Variants in PTPRD observed in about 807,000 individuals in gnomAD.
PTPRD encodes protein tyrosine phosphatase receptor type D, also known as receptor-type tyrosine-protein phosphatase delta.
Under a neutral mutation model 214.5 loss-of-function variants are expected in PTPRD, and 34 were observed. The observed-to-expected ratio is 0.16, with a 90% CI of 0.12 to 0.21. The LOEUF is 0.21. Ranked by LOEUF, PTPRD falls within the 10% of genes least tolerant of loss-of-function variation. The pLI, the probability that PTPRD is intolerant of heterozygous loss-of-function variation, is 1.00. For synonymous variants in PTPRD, 1,128 were observed against 845.7 expected (o/e 1.33, Z -5.79); for missense variants, 2,545 against 2,398.7 (o/e 1.06, Z -1.27).
intron 10 of PTPRD, among the ~76,000 whole-genome samples, chr9:9,158,445 C>CA: frequency 6.6e-6 from 1 of 151,950 alleles, no homozygotes; most frequent in African/African-American, 2.4e-5. Context: ...ACTAAAAATA[C>CA]AAAAATTAGC....
At chr9:10,148,559 T>G (rs1324061819) in intron 3 of PTPRD, among the ~76,000 whole-genome samples, 1 of 152,232 alleles carries the variant, frequency 6.6e-6, no homozygotes, top group South Asian at 2.1e-4. Context: ...TATGGAATAC[T>G]GATTCAAGGA....
intron 9 of PTPRD, among the ~76,000 whole-genome samples, chr9:9,211,000 T>C (rs1246281553): frequency 1.3e-5 from 2 of 152,144 alleles, no homozygotes; most frequent in Non-Finnish European, 2.9e-5. Context: ...AGAATAAAGA[T>C]AAACATAGTT....
In PTPRD at chr9:9,180,348, C is replaced by CA. The variant is rs1311039108; in HGVS notation, c.-143+2955dup. On this transcript the variant is annotated intron_variant, in intron 10 of 45. Transcript: ENST00000381196. ...CATTCTCAGCAAACTATCGCAAGGA[C>CA]AAAAAACCAAATACCGCATATTCTC... 1.3e-4 allele frequency among the ~76,000 whole-genome samples: 20 copies of CA among 149,220 alleles called. No individual in the cohort carries two copies. The East Asian group carries it at 2.4e-3, about 18-fold the overall frequency.
chr9:8,717,134 C>A lies in PTPRD; in HGVS notation c.64+16646G>T, dbSNP rs889659239. ...CCATCCTGGGTGACAGAGTGTGTCA[C>A]TGTCTCAAAAAAGAATTAAAGAAAG... is the stretch of plus-strand genomic sequence containing the variant. On this transcript the variant is annotated intron_variant, in intron 12 of 45. Coordinates refer to ENST00000381196, the MANE Select transcript of PTPRD (RefSeq NM_002839.4). Among the ~76,000 whole-genome samples, 18 of 152,086 alleles carry A rather than the reference C, an allele frequency of 1.2e-4. 1 individual carries two copies. Among genetic ancestry groups the A allele is most frequent in the Non-Finnish European group, 7.4e-5 (5 of 68,020 alleles).
At chr9:8,700,473 C>G (rs1028019771) in intron 12 of PTPRD, 3 of 152,200 alleles carry the variant, frequency 2.0e-5, no homozygotes, top group African/African-American at 7.2e-5. Context: ...CCACAGCACA[C>G]TGGAGGTCAG....
At chr9:8,831,596 C>G (rs1372986238) in intron 11 of PTPRD, among the ~76,000 whole-genome samples, 6 of 152,160 alleles carry the variant, frequency 3.9e-5, no homozygotes, top group Admixed American at 3.9e-4. Flanking sequence ...GCTTGTTAAA[C>G]TTTCCTACAA....
At chr9:9,779,418 C>A (rs574924169) in intron 5 of PTPRD, among the ~76,000 whole-genome samples, 2 of 152,198 alleles carry the variant, frequency 1.3e-5, no homozygotes, top group East Asian at 3.9e-4. Flanking sequence ...AAACAGACAA[C>A]ATGCAGAATG....
intron 4 of PTPRD, among the ~76,000 whole-genome samples, chr9:10,005,143 G>C (rs1449614386): frequency 1.3e-5 from 2 of 151,854 alleles, no homozygotes; most frequent in Admixed American, 1.3e-4. Context: ...AAAGGTCATT[G>C]TATAACCTTT....
chr9:10,397,614 T>C (rs1404335526), intron 2 of PTPRD, among the ~76,000 whole-genome samples: 1 of 152,038 alleles, frequency 6.6e-6, no homozygotes, highest in African/African-American at 2.4e-5. Flanking sequence ...TATAATACTA[T>C]ATTTTTACTG....
intron 10 of PTPRD, among the ~76,000 whole-genome samples, chr9:9,119,226 C>G (rs527623405): frequency 1.3e-5 from 2 of 152,166 alleles, no homozygotes; most frequent in Non-Finnish European, 2.9e-5. Flanking sequence ...TGTTAGTCAC[C>G]AGTCTAAGTT....
chr9:8,499,279 C>A (rs1460068481), intron 25 of PTPRD, among the ~76,000 whole-genome samples: 1 of 152,112 alleles, frequency 6.6e-6, no homozygotes, highest in Admixed American at 6.6e-5. Flanking sequence ...GTTGTTTTAG[C>A]ACAGAAGAAA....
intron 3 of PTPRD, among the ~76,000 whole-genome samples, chr9:10,257,479 G>A (rs1190301636): frequency 6.6e-6 from 1 of 152,132 alleles, no homozygotes; most frequent in Non-Finnish European, 1.5e-5. Flanking sequence ...GAGGTAAACA[G>A]TATGCATCAT....
chr9:9,488,214 A>T (rs1206196233), intron 8 of PTPRD, among the ~76,000 whole-genome samples: 1 of 152,192 alleles, frequency 6.6e-6, no homozygotes, highest in Non-Finnish European at 1.5e-5. Flanking sequence ...ACATTGCTTC[A>T]CAAGCATACT....
At chr9:8,615,307 C>T (rs1564733993) in intron 14 of PTPRD, among the ~76,000 whole-genome samples, 1 of 152,098 alleles carries the variant, frequency 6.6e-6, no homozygotes, top group Non-Finnish European at 1.5e-5. Flanking sequence ...TGCAATTAAA[C>T]CTTATGGCCC....
chr9:9,325,348 T>G (rs1205218544), intron 9 of PTPRD, among the ~76,000 whole-genome samples: 1 of 151,928 alleles, frequency 6.6e-6, no homozygotes, highest in African/African-American at 2.4e-5. Flanking sequence ...TCCATTTGTT[T>G]GTATCCTTTT....
chr9:9,908,384 G>T, intron 5 of PTPRD, among the ~76,000 whole-genome samples: 1 of 151,940 alleles, frequency 6.6e-6, no homozygotes, highest in East Asian at 1.9e-4. Flanking sequence ...GTGGGAAGGG[G>T]TCTCTCCAGC....
intron 10 of PTPRD, among the ~76,000 whole-genome samples, chr9:9,072,027 G>C (rs1399393218): frequency 1.3e-5 from 2 of 152,070 alleles, no homozygotes; most frequent in Admixed American, 1.3e-4. Flanking sequence ...CTGCCAGACC[G>C]AAGAAGTGAT....
chr9:10,387,669 A>G (rs2097946500), intron 2 of PTPRD, among the ~76,000 whole-genome samples: 1 of 151,768 alleles, frequency 6.6e-6, no homozygotes, highest in Admixed American at 6.6e-5. Flanking sequence ...ATTCACTCTG[A>G]GAACTTGGTA....
At chr9:9,974,313 CT>C (rs1566857966) in intron 4 of PTPRD, among the ~76,000 whole-genome samples, 5 of 152,178 alleles carry the variant, frequency 3.3e-5, no homozygotes. Flanking sequence ...GTATGCACAG[CT>C]GGCTAATACC....
Sources: gnomAD v4.1 joint callset for allele counts (sites outside exome capture counted in the v4.1 genomes callset) on GRCh38, gnomAD v4.1.1 for gene constraint, MANE v1.5 for transcripts, NCBI Gene and HGNC (gene_info 2026-07-23, HGNC 2026-07-21) for gene names.